STK3: variants seen among roughly 807,000 people sequenced by gnomAD.
STK3 encodes serine/threonine-protein kinase 3.
In STK3, 41 loss-of-function variants were observed where a neutral mutation model predicts 58.0. The ratio of observed to expected loss-of-function variants is 0.71; its 90% CI spans 0.55 to 0.92. STK3 has a LOEUF of 0.92. Among genes scored for constraint, STK3 ranks in the 40% least tolerant of loss-of-function variants. STK3 has a pLI of 0.00. For missense variants in STK3, 479 were observed against 602.7 expected (o/e 0.79, Z 2.15); for synonymous variants, 170 against 191.0 (o/e 0.89, Z 0.91).
intron 3 of STK3, among the ~76,000 whole-genome samples, chr8:98,858,331 G>T (rs1178560309): frequency 6.9e-4 from 78 of 112,866 alleles, no homozygotes; most frequent in East Asian, 2.0e-3. Context: ...TATAGAGAGA[G>T]AGAGAGAGAG....
the STK3 span, among the ~76,000 whole-genome samples, chr8:98,359,344 TA>T: frequency 0.062 from 3,424 of 55,464 alleles, 108 homozygotes; most frequent in African/African-American, 0.15. Context: ...CCATCTCAAC[TA>T]AAAAAAAAAA....
intron 4 of STK3, among the ~76,000 whole-genome samples, chr8:98,745,949 C>T (rs895742388): frequency 3.3e-5 from 5 of 152,168 alleles, no homozygotes; most frequent in Admixed American, 2.6e-4. Context: ...AGCATGTTAC[C>T]GTACAGAATG....
intron 6 of STK3, among the ~76,000 whole-genome samples, chr8:98,668,911 A>T (rs1203394811): frequency 6.6e-6 from 1 of 151,776 alleles, no homozygotes; most frequent in East Asian, 1.9e-4. Context: ...TTTCTGTATA[A>T]TTCCAATTAT....
In STK3 at chr8:98,759,519, C is replaced by T. The variant is rs144874660; in HGVS notation, c.236+7724G>A. On this transcript the variant is annotated intron_variant, in intron 3 of 10. Coordinates refer to ENST00000419617, the MANE Select transcript of STK3 (RefSeq NM_006281.4). The stretch of plus-strand genomic sequence containing the variant: ...ATAACAGATATAATAATAATGAAAA[C>T]GTCTGAAATATGGGAAGGATTACCA... Among the ~76,000 whole-genome samples the T allele has an allele frequency of 2.2e-3, 338 of 151,960 alleles. 2 individuals are homozygous for T. Among genetic ancestry groups the T allele is most frequent in the African/African-American group, 7.8e-3 (324 of 41,434 alleles).
chr8:98,922,541 C>T (rs972597153), intron 1 of STK3, among the ~76,000 whole-genome samples: 5 of 152,158 alleles, frequency 3.3e-5, no homozygotes, highest in Admixed American at 3.3e-4. Flanking sequence ...GCTTGTTATT[C>T]CTGCACACCT....
chr8:98,544,524 G>T (rs570442951), intron 9 of STK3, among the ~76,000 whole-genome samples: 9 of 151,952 alleles, frequency 5.9e-5, no homozygotes, highest in Non-Finnish European at 1.0e-4. Context: ...ATTTTCAGAG[G>T]GTCTGCTCTG....
intron 1 of STK3, among the ~76,000 whole-genome samples, chr8:98,904,259 G>A (rs762682127): frequency 3.3e-5 from 5 of 152,164 alleles, no homozygotes; most frequent in Non-Finnish European, 5.9e-5. Flanking sequence ...GCTGCAGGTA[G>A]GCAGGGAGAA....
At chr8:98,899,561 T>C (rs1838580630) in intron 1 of STK3, among the ~76,000 whole-genome samples, 1 of 152,176 alleles carries the variant, frequency 6.6e-6, no homozygotes, top group Admixed American at 6.6e-5. Context: ...TATGGGAAGA[T>C]ATGCATAGGT....
intron 3 of STK3, among the ~76,000 whole-genome samples, chr8:98,420,521 G>A (rs1818159013): frequency 6.6e-6 from 1 of 152,172 alleles, no homozygotes; most frequent in African/African-American, 2.4e-5. Context: ...GCACCCACTG[G>A]GGGACTTGGA....
intron 1 of STK3, among the ~76,000 whole-genome samples, chr8:98,448,519 GC>G (rs1294096832): frequency 6.6e-6 from 1 of 152,152 alleles, no homozygotes; most frequent in Non-Finnish European, 1.5e-5. Context: ...GTGCAGGAGT[GC>G]CCTATCTAAC....
At chr8:98,383,713 G>T (rs1218160828) in intron 1 of STK3, among the ~76,000 whole-genome samples, 5 of 152,232 alleles carry the variant, frequency 3.3e-5, no homozygotes, top group African/African-American at 7.2e-5. Flanking sequence ...CCACGTAGTT[G>T]TACCATGTTG....
intron 8 of STK3, among the ~76,000 whole-genome samples, chr8:98,559,705 A>G (rs541763602): frequency 6.6e-6 from 1 of 152,260 alleles, no homozygotes; most frequent in Non-Finnish European, 1.5e-5. Flanking sequence ...TGCTAAAGTG[A>G]TCTCATCTTA....
At chr8:98,893,486 GAGA>G (rs1838312694) in intron 1 of STK3, among the ~76,000 whole-genome samples, 18 of 43,040 alleles carry the variant, frequency 4.2e-4, no homozygotes, top group Non-Finnish European at 1.3e-4. Flanking sequence ...AAGAAAGAAA[GAGA>G]AAGAAAGAAA....
At chr8:98,803,593 C>CAAAAAA (rs34316563) in intron 1 of STK3, among the ~76,000 whole-genome samples, 34 of 38,752 alleles carry the variant, frequency 8.8e-4, no homozygotes, top group South Asian at 1.3e-3. Flanking sequence ...GACTCTGTTT[C>CAAAAAA]AAAAAAAAAA....
intron 6 of STK3, among the ~76,000 whole-genome samples, chr8:98,680,981 C>CTTTTTTTTTT (rs371666746): frequency 8.0e-6 from 1 of 124,760 alleles, no homozygotes; most frequent in Non-Finnish European, 1.7e-5. Flanking sequence ...CCCCACCTTT[C>CTTTTTTTTTT]TTTTTTTTTT....
intron 1 of STK3, among the ~76,000 whole-genome samples, chr8:98,785,646 C>T (rs1284577533): frequency 6.6e-6 from 1 of 152,164 alleles, no homozygotes; most frequent in East Asian, 1.9e-4. Flanking sequence ...TCCCAGTAAA[C>T]AAGGATCAAA....
At chr8:98,366,041 T>C in the STK3 span, among the ~76,000 whole-genome samples, 1 of 152,152 alleles carries the variant, frequency 6.6e-6, no homozygotes, top group Non-Finnish European at 1.5e-5. Flanking sequence ...AGTTCAGTCA[T>C]GGGTACAAGT....
chr8:98,399,415 C>T (rs1380643185), downstream of STK3, among the ~76,000 whole-genome samples: 4 of 152,252 alleles, frequency 2.6e-5, no homozygotes, highest in East Asian at 1.9e-4. Flanking sequence ...AAAGAAGACA[C>T]ATTCCCGGTT....
chr8:98,826,868 T>C (rs1835332086), upstream of STK3, among the ~76,000 whole-genome samples: 1 of 132,504 alleles, frequency 7.5e-6, no homozygotes, highest in Non-Finnish European at 1.6e-5. Context: ...CTACTAAAAA[T>C]ACAAAAGTTA....
Sources: allele counts gnomAD v4.1 joint callset (sites outside exome capture counted in the v4.1 genomes callset), GRCh38; gene constraint gnomAD v4.1.1; transcripts MANE v1.5; gene names NCBI Gene and HGNC (gene_info 2026-07-23, HGNC 2026-07-21).